The following MRPL39 variants were observed in gnomAD, a reference collection of about 807,000 sequenced individuals.
MRPL39 encodes the protein mitochondrial ribosomal protein L39.
In MRPL39, 35 loss-of-function variants were observed where a neutral mutation model predicts 44.5. The ratio of observed to expected loss-of-function variants is 0.79; its 90% confidence interval spans 0.60 to 1.04. The LOEUF (loss-of-function observed/expected upper bound fraction) is 1.04, where lower values mean the gene tolerates loss of function less well. Ranked by LOEUF, MRPL39 falls within the 50% of genes least tolerant of loss-of-function variation. MRPL39 has a pLI of 0.00. For missense variants in MRPL39, 433 were observed against 413.5 expected (o/e 1.05, Z -0.41); for synonymous variants, 139 against 136.1 (o/e 1.02, Z -0.15).
At chr21:25,600,395 T>TAAA (rs35118180) in intron 4 of MRPL39, among the ~76,000 whole-genome samples, 2,395 of 78,464 alleles carry the variant, frequency 0.031, 145 homozygotes, top group African/African-American at 0.097. Context: ...GACTCCGTCT[T>TAAA]AAAAAAAAAA....
chr21:25,593,967 C>G lies in MRPL39; in HGVS notation c.702-9G>C. 1 of 1,610,752 alleles carries G rather than the reference C, an allele frequency of 6.2e-7. No homozygotes were observed. The highest frequency in any genetic ancestry group is 8.5e-7 in the Non-Finnish European group (1 of 1,178,860). Reference sequence around the variant, plus strand: ...TGAAATCTACTTTGTACCTGAAAAGCAGCAAAGAAAAAAACATTTTTTTAA... The same window carrying G: ...TGAAATCTACTTTGTACCTGAAAAGGAGCAAAGAAAAAAACATTTTTTTAA... On this transcript the variant is annotated splice_polypyrimidine_tract_variant and intron_variant, in intron 6 of 9. Transcript: ENST00000352957.
At chr21:25,586,147 A>G (rs1030566799) in intron 9 of MRPL39, among the ~76,000 whole-genome samples, 1 of 152,184 alleles carries the variant, frequency 6.6e-6, no homozygotes, top group Non-Finnish European at 1.5e-5. Flanking sequence ...TTTAGTCTAA[A>G]TAGATATCTC....
At position 25,607,439 on chromosome 21, in the gene MRPL39, G is replaced by A. The variant is rs1396387918; in HGVS notation, c.37C>T (p.Leu13Phe). The change falls in exon 1 of 10, where the codon CTC becomes TTC. Residue 13 changes from leucine to phenylalanine, a missense_variant. Coordinates refer to ENST00000352957, the MANE Select transcript of MRPL39 (RefSeq NM_017446.4). ...ALAMGSRALRLWLVAPGGGIK... is the reference protein window; with the variant it reads ...ALAMGSRALRFWLVAPGGGIK... Reference sequence around the variant, plus strand: ...CCGCCACCGGGTGCGACCAGCCAGAGCCGCAGCGCCCGGGAACCCATGGCC... The same window carrying A: ...CCGCCACCGGGTGCGACCAGCCAGAACCGCAGCGCCCGGGAACCCATGGCC... The A allele has an allele frequency of 5.0e-6, 8 of 1,613,324 alleles. No homozygotes were observed. The highest frequency in any genetic ancestry group is 6.8e-6 in the Non-Finnish European group (8 of 1,179,970).
chr21:25,607,460 T>C lies in MRPL39; in HGVS notation c.16A>G (p.Met6Val), dbSNP rs146994948. The C allele has an allele frequency of 1.6e-5, 26 of 1,612,328 alleles. No homozygotes were observed. Among genetic ancestry groups the C allele is most frequent in the Middle Eastern group, 3.3e-4 (2 of 6,084 alleles). The stretch of plus-strand genomic sequence containing the variant: ...CAGAGCCGCAGCGCCCGGGAACCCA[T>C]GGCCAGCGCCTCCATAGCAGCGGTG... MEALA[M>V]GSRALRLWLV... Residue 6 changes from methionine (M) to valine (V), a missense_variant, in exon 1 of 10, where the codon ATG (methionine) becomes GTG (valine). By Grantham distance (21) the Met-to-Val change is conservative (BLOSUM62 1). Transcript: ENST00000352957.
intron 6 of MRPL39, 149 bp downstream of exon 6, chr21:25,597,153 C>T (rs529805829): frequency 1.6e-5 from 9 of 570,662 alleles, no homozygotes; most frequent in African/African-American, 4.0e-5. Context: ...TTTTCCTCAG[C>T]GAAATAAATG....
In MRPL39 at chr21:25,590,299, T is replaced by G. The variant is rs2031132421; in HGVS notation, c.922-1417A>C. 1.3e-5 allele frequency among the ~76,000 whole-genome samples: 2 copies of G among 152,050 alleles called. 1 individual carries two copies. Among genetic ancestry groups the G allele is most frequent in the South Asian group, 4.1e-4 (2 of 4,820 alleles). On this transcript the variant is annotated intron_variant, in intron 8 of 9. Transcript: ENST00000352957. ...TAAGGAAACCAGGGGTATCCAATCT[T>G]TTGGCTTCCCTGGGCCACACTGGAA...
chr21:25,604,602 A>G (rs1045859151), intron 2 of MRPL39, among the ~76,000 whole-genome samples: 3 of 152,320 alleles, frequency 2.0e-5, no homozygotes, highest in Middle Eastern at 3.4e-3. Context: ...TTAATAATTA[A>G]TATTAACTCC....
chr21:25,603,746 A>G, intron 3 of MRPL39, 50 bp downstream of exon 3: 1 of 1,537,300 alleles, frequency 6.5e-7, no homozygotes, highest in Non-Finnish European at 8.8e-7. Context: ...GTCTTAATAA[A>G]AAGGTGAAGA....
At chr21:25,597,945 T>C (rs900514709) in intron 5 of MRPL39, among the ~76,000 whole-genome samples, 5 of 152,192 alleles carry the variant, frequency 3.3e-5, no homozygotes, top group African/African-American at 1.2e-4. Context: ...ATGTCAATTT[T>C]ACACAATTAA....
intron 8 of MRPL39, among the ~76,000 whole-genome samples, chr21:25,591,484 A>G (rs1378418446): frequency 6.6e-6 from 1 of 152,176 alleles, no homozygotes; most frequent in East Asian, 1.9e-4. Flanking sequence ...TTAAAAAGTA[A>G]AACAATCTAA....
chr21:25,588,127 C>T (rs539103921), intron 9 of MRPL39, among the ~76,000 whole-genome samples: 37 of 152,072 alleles, frequency 2.4e-4, no homozygotes, highest in East Asian at 9.7e-4. Flanking sequence ...CTGGCTAACA[C>T]GGTAAAACCC....
At position 25,592,834 on chromosome 21, in the gene MRPL39, ACG is replaced by A; in HGVS notation, c.897_898del (p.Ser301PhefsTer14). Reference sequence around the variant, plus strand: ...TACTCTTAAGTGAACAGGTAAAGACACGCCCTGGAATCTTCGTATGAGACTTG... The same window carrying A: ...TACTCTTAAGTGAACAGGTAAAGACACCCTGGAATCTTCGTATGAGACTTG... On this transcript the variant is annotated frameshift_variant, in exon 8 of 10. Coordinates refer to ENST00000352957, the MANE Select transcript of MRPL39 (RefSeq NM_017446.4). LOFTEE classifies it high-confidence loss of function. 3 of 1,611,998 alleles carry A rather than the reference ACG, an allele frequency of 1.9e-6. No individual in the cohort carries two copies. The highest frequency in any genetic ancestry group is 2.5e-6 in the Non-Finnish European group (3 of 1,178,172).
chr21:25,604,142 CCA>C (rs1233841286), intron 2 of MRPL39, among the ~76,000 whole-genome samples: 1 of 151,520 alleles, frequency 6.6e-6, no homozygotes, highest in Non-Finnish European at 1.5e-5. Context: ...GCCTGTAATC[CCA>C]GTTATTTGGG....
intron 6 of MRPL39, among the ~76,000 whole-genome samples, chr21:25,594,355 G>A (rs1386978406): frequency 2.0e-5 from 3 of 149,136 alleles, no homozygotes; most frequent in African/African-American, 7.4e-5. Context: ...GGGCTCAAGC[G>A]ACCCTCCTGC....
chr21:25,598,901 CATCT>C (rs1349833029), intron 5 of MRPL39, among the ~76,000 whole-genome samples: 2 of 148,552 alleles, frequency 1.3e-5, no homozygotes, highest in African/African-American at 4.9e-5. Flanking sequence ...TGCAAGATAC[CATCT>C]AATATAAGGC....
chr21:25,607,556 G>A (rs187947610), upstream of MRPL39: 3 of 1,443,336 alleles, frequency 2.1e-6, no homozygotes, highest in African/African-American at 2.8e-5. Flanking sequence ...GAGTTCCGCA[G>A]GACAGGTCTG....
In MRPL39 at chr21:25,607,471, T is replaced by C; in HGVS notation, c.5A>G (p.Glu2Gly). M[E>G]ALAMGSRALR... is the part of the protein sequence containing the mutation. Reference sequence around the variant, plus strand: ...CGCCCGGGAACCCATGGCCAGCGCCTCCATAGCAGCGGTGAGAACCGTCGC... The same window carrying C: ...CGCCCGGGAACCCATGGCCAGCGCCCCCATAGCAGCGGTGAGAACCGTCGC... The change falls in exon 1 of 10, where the codon GAG becomes GGG. Residue 2 changes from glutamate to glycine, a missense_variant. Glu to Gly is a moderately conservative substitution (Grantham distance 98). Coordinates refer to ENST00000352957, the MANE Select transcript of MRPL39 (RefSeq NM_017446.4). 9 of 1,611,608 alleles carry C rather than the reference T, an allele frequency of 5.6e-6. No individual in the cohort carries two copies. Among genetic ancestry groups the C allele is most frequent in the Non-Finnish European group, 7.6e-6 (9 of 1,179,882 alleles).
intron 6 of MRPL39, among the ~76,000 whole-genome samples, chr21:25,594,654 C>T (rs982914579): frequency 6.6e-6 from 1 of 152,094 alleles, no homozygotes. Context: ...ATCCTACACC[C>T]TCTTTTCACG....
chr21:25,595,934 C>A (rs1212269963), intron 6 of MRPL39, among the ~76,000 whole-genome samples: 1 of 152,096 alleles, frequency 6.6e-6, no homozygotes, highest in Non-Finnish European at 1.5e-5. Context: ...TTTGGTTCTA[C>A]AATACTATCT....
Sources: allele counts gnomAD v4.1 joint callset (sites outside exome capture counted in the v4.1 genomes callset), GRCh38; gene constraint gnomAD v4.1.1; transcripts MANE v1.5; gene names NCBI Gene and HGNC (gene_info 2026-07-23, HGNC 2026-07-21).